The following FAM83C variants were observed in gnomAD, a reference collection of about 807,000 sequenced individuals.
FAM83C encodes scaffolding CK1 anchoring protein C, also known as protein FAM83C.
In FAM83C, 23 loss-of-function variants were observed where a neutral mutation model predicts 27.1. That is an observed-to-expected ratio of 0.85 (90% confidence interval 0.61 to 1.20). The LOEUF (loss-of-function observed/expected upper bound fraction) is 1.20, where lower values mean the gene tolerates loss of function less well. Ranked by LOEUF, FAM83C falls within the 50% of genes most tolerant of loss-of-function variation. FAM83C has a pLI of 0.00. For synonymous variants in FAM83C, 426 were observed against 423.1 expected, an observed-to-expected ratio of 1.01 and a Z score of -0.09; for missense variants, 984 against 1,001.3, an observed-to-expected ratio of 0.98 and a Z score of 0.23.
intron 3 of FAM83C, 33 bp downstream of exon 3, chr20:35,288,422 GCAGCCC>G: frequency 6.2e-7 from 1 of 1,610,272 alleles, no homozygotes; most frequent in Non-Finnish European, 8.5e-7. Flanking sequence ...AGCCAGTGAT[GCAGCCC>G]CAGGCCCCCC....
rs756970015 is a variant in FAM83C, at chr20:35,287,655, C to T, written c.1124G>A (p.Gly375Asp). The T allele has an allele frequency of 4.3e-6, 7 of 1,613,872 alleles. No individual in the cohort carries two copies. The highest frequency in any genetic ancestry group is 5.9e-6 in the Non-Finnish European group (7 of 1,179,924). Residue 375 changes from glycine (G) to aspartate (D), a missense_variant, in exon 4 of 4, where the codon GGT (glycine) becomes GAT (aspartate). By Grantham distance (94) the Gly-to-Asp change is moderately conservative. Coordinates refer to ENST00000374408, the MANE Select transcript of FAM83C (RefSeq NM_178468.6). ...AGGACCCAGGGACGAGGACACCACA[C>T]CCGTATCACTGCAATCACCACCTCC... The part of the protein sequence containing the change: ...LPGGGDCSDT[G>D]VVSSSLGPAR...
chr20:35,290,020 G>A (rs145963203), intron 1 of FAM83C, among the ~76,000 whole-genome samples: 2 of 152,258 alleles, frequency 1.3e-5, no homozygotes, highest in East Asian at 1.9e-4. Flanking sequence ...TCTGTCTGAG[G>A]CTCCCTTCTC....
Position 35,291,880 on chromosome 20 carries a change from C to T in FAM83C, c.425G>A (p.Ser142Asn), listed in dbSNP as rs763967841. The part of the protein sequence containing the change: ...WPEVPQATGF[S>N]PTQAVVHFQR... ...GAAGTGGACCACAGCCTGGGTGGGG[C>T]TGAAGCCTGTGGCCTGTGGCACCTC... The change falls in exon 1 of 4, where the codon AGC becomes AAC. Residue 142 changes from serine to asparagine, a missense_variant. Physicochemically the swap from Ser to Asn is conservative, Grantham distance 46. Transcript: ENST00000374408. 9.9e-6 allele frequency: 16 copies of T among 1,614,118 alleles called. No individual in the cohort carries two copies. The highest frequency in any genetic ancestry group is 5.0e-5 in the Admixed American group (3 of 60,030).
chr20:35,286,358 TG>T lies in FAM83C; in HGVS notation c.*176del. 1 of 367,948 alleles carries T rather than the reference TG, an allele frequency of 2.7e-6. No individual in the cohort carries two copies. Among genetic ancestry groups the T allele is most frequent in the Non-Finnish European group, 4.9e-6 (1 of 204,284 alleles). The allele number at this position is 367,948 out of a possible 1,614,324, so 22.8% of individuals were successfully genotyped here. A position where few individuals can be genotyped will look rare whatever the true frequency, so the allele number is the denominator to read the frequency against. On this transcript the variant is annotated 3_prime_UTR_variant, in exon 4 of 4. Coordinates refer to ENST00000374408, the MANE Select transcript of FAM83C (RefSeq NM_178468.6). ...ATTCAAGAAGATACTAGTTAGGGTG[TG>T]TGTGTGTGTGTGTGTGTGTGTGTGT...
intron 2 of FAM83C, 49 bp downstream of exon 2, chr20:35,288,742 C>T: frequency 6.4e-7 from 1 of 1,564,762 alleles, no homozygotes. Context: ...CCCTGCCCTC[C>T]CTGACTCCCC....
intron 1 of FAM83C, among the ~76,000 whole-genome samples, chr20:35,290,316 G>A (rs545360308): frequency 2.6e-5 from 4 of 152,336 alleles, no homozygotes; most frequent in South Asian, 4.1e-4. Context: ...TCTGCTATGA[G>A]AGTCTTCTCT....
In FAM83C at chr20:35,286,386, T is replaced by A; in HGVS notation, c.*149A>T. On this transcript the variant is annotated 3_prime_UTR_variant, in exon 4 of 4. Coordinates refer to ENST00000374408, the MANE Select transcript of FAM83C (RefSeq NM_178468.6). ...GTGTGTGTGTGTGTGTGTGTGTGTG[T>A]ACACAAGAATCTTGAGCCCAGAGAG... The A allele has an allele frequency of 1.7e-6, 1 of 575,522 alleles. No homozygotes were observed. Among genetic ancestry groups the A allele is most frequent in the Non-Finnish European group, 2.9e-6 (1 of 346,432 alleles). 35.7% of individuals were successfully genotyped at this position (575,522 alleles called of 1,614,324 possible).
chr20:35,289,873 G>T (rs2060841821), intron 1 of FAM83C, among the ~76,000 whole-genome samples: 1 of 152,144 alleles, frequency 6.6e-6, no homozygotes, highest in African/African-American at 2.4e-5. Flanking sequence ...CTGTGGATCA[G>T]CTGTGCTAGT....
chr20:35,286,377 G>C lies in FAM83C; in HGVS notation c.*158C>G. On this transcript the variant is annotated 3_prime_UTR_variant, in exon 4 of 4. Transcript: ENST00000374408. Reference sequence around the variant, plus strand: ...AGGGTGTGTGTGTGTGTGTGTGTGTGTGTGTGTGTACACAAGAATCTTGAG... The same window carrying C: ...AGGGTGTGTGTGTGTGTGTGTGTGTCTGTGTGTGTACACAAGAATCTTGAG... 1.6e-6 allele frequency: 1 copy of C among 613,236 alleles called. No homozygotes were observed. Among genetic ancestry groups the C allele is most frequent in the Middle Eastern group, 4.4e-4 (1 of 2,294 alleles). 38.0% of individuals were successfully genotyped at this position (613,236 alleles called of 1,614,324 possible). A position where few individuals can be genotyped will look rare whatever the true frequency, so the allele number is the denominator to read the frequency against.
At position 35,292,209 on chromosome 20, in the gene FAM83C, CCGCCACCACGGCAGCTTCAGCTCTTCCA is replaced by C; in HGVS notation, c.68_95del (p.Val23GlyfsTer42). ...GCCGCAGCACCAGCGGTGAGCTCTC[CCGCCACCACGGCAGCTTCAGCTCTTCCA>C]CCCGGCCCCGCAGGGGTCCCGCCAT... On this transcript the variant is annotated frameshift_variant, in exon 1 of 4. Coordinates refer to ENST00000374408, the MANE Select transcript of FAM83C (RefSeq NM_178468.6). LOFTEE classifies it high-confidence loss of function. 1 of 1,592,610 alleles carries C rather than the reference CCGCCACCACGGCAGCTTCAGCTCTTCCA, an allele frequency of 6.3e-7. No homozygotes were observed. Among genetic ancestry groups the C allele is most frequent in the Non-Finnish European group, 8.5e-7 (1 of 1,177,490 alleles).
chr20:35,292,401 C>A lies in FAM83C; in HGVS notation c.-97G>T. 2 of 1,416,168 alleles carry A rather than the reference C, an allele frequency of 1.4e-6. No individual in the cohort carries two copies. Among genetic ancestry groups the A allele is most frequent in the Non-Finnish European group, 9.2e-7 (1 of 1,086,694 alleles). The allele number at this position is 1,416,168 out of a possible 1,614,324, so 87.7% of individuals were successfully genotyped here. Reference sequence around the variant, plus strand: ...AGGAGACCAGCAGAACCGCCTTCTGCCCGCCCGCTCGCTGTGTGTGTGGCA... The same window carrying A: ...AGGAGACCAGCAGAACCGCCTTCTGACCGCCCGCTCGCTGTGTGTGTGGCA... On this transcript the variant is annotated 5_prime_UTR_variant, in exon 1 of 4. Transcript: ENST00000374408.
Position 35,288,851 on chromosome 20 carries a change from C to T in FAM83C, c.621G>A (p.Glu207=). The change falls in exon 2 of 4, where the codon GAG becomes GAA. Residue 207 remains glutamate, a synonymous_variant. Transcript: ENST00000374408. The part of the protein sequence containing the change: ...GVPVYLLLAQ[E]HLRHFLEMCY... ...ACATCTCCAGGAAGTGCCTCAGGTG[C>T]TCCTGGGCAAGGAGCAGGTACACAG... The T allele has an allele frequency of 6.2e-7, 1 of 1,614,122 alleles. No homozygotes were observed. Among genetic ancestry groups the T allele is most frequent in the Non-Finnish European group, 8.5e-7 (1 of 1,180,002 alleles).
chr20:35,292,374 A>G lies in FAM83C; in HGVS notation c.-70T>C. The G allele has an allele frequency of 7.0e-7, 1 of 1,432,850 alleles. No individual in the cohort carries two copies. Among genetic ancestry groups the G allele is most frequent in the Non-Finnish European group, 9.1e-7 (1 of 1,100,140 alleles). 88.8% of individuals were successfully genotyped at this position (1,432,850 alleles called of 1,614,324 possible). A position where few individuals can be genotyped will look rare whatever the true frequency, so the allele number is the denominator to read the frequency against. ...GCACGCTGGGCTGGCTGCAGCAGGA[A>G]GAGGAGACCAGCAGAACCGCCTTCT... On this transcript the variant is annotated 5_prime_UTR_variant, in exon 1 of 4. Coordinates refer to ENST00000374408, the MANE Select transcript of FAM83C (RefSeq NM_178468.6).
At position 35,287,096 on chromosome 20, in the gene FAM83C, G is replaced by T; in HGVS notation, c.1683C>A (p.Ala561=). 6.2e-7 allele frequency: 1 copy of T among 1,605,022 alleles called. No individual in the cohort carries two copies. ...ADSQLDLLSR[A]LGTGGAPELG... is the part of the protein sequence containing the mutation. ...ACTCAGGGGCACCCCCAGTACCCAG[G>T]GCTCGGGACAGGAGATCCAGCTGGC... is the stretch of plus-strand genomic sequence containing the variant. The change falls in exon 4 of 4, where the codon GCC becomes GCA. Residue 561 remains alanine (A), a synonymous_variant. Coordinates refer to ENST00000374408, the MANE Select transcript of FAM83C (RefSeq NM_178468.6).
intron 3 of FAM83C, 75 bp from the exon 4 acceptor site, chr20:35,288,047 G>T: frequency 7.8e-7 from 1 of 1,285,988 alleles, no homozygotes; most frequent in African/African-American, 1.5e-5. Flanking sequence ...ACAGCCAGGG[G>T]TGCATACCTG....
chr20:35,289,025 G>T, intron 1 of FAM83C, 67 bp from the exon 2 acceptor site: 1 of 1,545,402 alleles, frequency 6.5e-7, no homozygotes. Context: ...AGCCAAACCT[G>T]GGGCAGGAAA....
At position 35,286,343 on chromosome 20, in the gene FAM83C, A is replaced by G. The variant is rs891642659; in HGVS notation, c.*192T>C. ...GGAAACACAGCCTAGATTCAAGAAG[A>G]TACTAGTTAGGGTGTGTGTGTGTGT... On this transcript the variant is annotated 3_prime_UTR_variant, in exon 4 of 4. Transcript: ENST00000374408. The G allele has an allele frequency of 3.5e-5, 21 of 591,772 alleles. No homozygotes were observed. Among genetic ancestry groups the G allele is most frequent in the Non-Finnish European group, 5.2e-5 (18 of 343,234 alleles). The allele number at this position is 591,772 out of a possible 1,614,324, so 36.7% of individuals were successfully genotyped here. A position where few individuals can be genotyped will look rare whatever the true frequency, so the allele number is the denominator to read the frequency against.
chr20:35,289,820 C>T (rs2060841606), intron 1 of FAM83C, among the ~76,000 whole-genome samples: 1 of 152,170 alleles, frequency 6.6e-6, no homozygotes, highest in South Asian at 2.1e-4. Context: ...GTGCATCCTT[C>T]TGTGCACCGA....
rs1345351687 is a variant in FAM83C, at chr20:35,287,957, G to A, written c.822C>T (p.Cys274=). The change falls in exon 4 of 4, where the codon TGC becomes TGT. Residue 274 remains cysteine, a synonymous_variant. Transcript: ENST00000374408. ...GCACCATGCTAGTGTGGGCCTGGCT[G>A]CAAAGCCAGGTGAAGCTGGGGGCAG... The part of the protein sequence containing the change: ...VAGSYSFTWL[C]SQAHTSMVLQ... 2 of 1,561,278 alleles carry A rather than the reference G, an allele frequency of 1.3e-6. No homozygotes were observed. The highest frequency in any genetic ancestry group is 2.7e-5 in the African/African-American group (2 of 73,866).
Sources: allele counts gnomAD v4.1 joint callset (sites outside exome capture counted in the v4.1 genomes callset), GRCh38; gene constraint gnomAD v4.1.1; transcripts MANE v1.5; gene names NCBI Gene and HGNC (gene_info 2026-07-23, HGNC 2026-07-21).